Variants in RBFOX1 observed in about 807,000 individuals in gnomAD.
RBFOX1 encodes RNA binding fox-1 homolog 1, also known as RNA binding protein fox-1 homolog 1.
RBFOX1 carries 8 observed loss-of-function variants against 57.7 expected under a neutral mutation model. The observed-to-expected ratio is 0.14, with a 90% confidence interval of 0.08 to 0.25. RBFOX1 has a LOEUF of 0.25. Among genes scored for constraint, RBFOX1 ranks in the 10% least tolerant of loss-of-function variants. RBFOX1 has a pLI of 1.00. For synonymous variants in RBFOX1, 326 were observed against 222.4 expected, an observed-to-expected ratio of 1.47 and a Z score of -4.15; for missense variants, 611 against 548.5, an observed-to-expected ratio of 1.11 and a Z score of -1.14.
intron 3 of RBFOX1, among the ~76,000 whole-genome samples, chr16:5,719,549 A>C (rs566678130): frequency 6.6e-6 from 1 of 152,134 alleles, no homozygotes; most frequent in Non-Finnish European, 1.5e-5. Flanking sequence ...CCACCCATTA[A>C]GCAGTAACTC....
At chr16:7,401,079 C>T (rs2098234688) in intron 4 of RBFOX1, among the ~76,000 whole-genome samples, 2 of 152,190 alleles carry the variant, frequency 1.3e-5, no homozygotes, top group Non-Finnish European at 2.9e-5. Context: ...AGTCCCAAGA[C>T]ATCCAGGAGA....
intron 4 of RBFOX1, among the ~76,000 whole-genome samples, chr16:7,357,192 G>A (rs1214839174): frequency 6.6e-6 from 1 of 150,856 alleles, no homozygotes; most frequent in East Asian, 1.9e-4. Context: ...AAGCATACAC[G>A]CAGTTTTGAA....
chr16:6,591,328 C>T (rs748232609), intron 2 of RBFOX1, among the ~76,000 whole-genome samples: 31 of 152,036 alleles, frequency 2.0e-4, no homozygotes, highest in Non-Finnish European at 4.1e-4. Context: ...GTGGTGCATG[C>T]CTGTAGTCCC....
At chr16:7,142,313 C>T (rs1036889220) in intron 4 of RBFOX1, among the ~76,000 whole-genome samples, 1 of 152,136 alleles carries the variant, frequency 6.6e-6, no homozygotes, top group African/African-American at 2.4e-5. Flanking sequence ...CATGAGCCAC[C>T]ACACCTAGCC....
chr16:6,903,144 T>C (rs1355432781), intron 3 of RBFOX1, among the ~76,000 whole-genome samples: 2 of 152,138 alleles, frequency 1.3e-5, no homozygotes, highest in African/African-American at 4.8e-5. Flanking sequence ...GTGACTTCAC[T>C]TGTTGAAGAA....
intron 2 of RBFOX1, among the ~76,000 whole-genome samples, chr16:6,424,926 G>C (rs918464516): frequency 6.6e-6 from 1 of 152,074 alleles, no homozygotes; most frequent in Non-Finnish European, 1.5e-5. Flanking sequence ...GCTATCTATA[G>C]ATATTTGTAT....
At chr16:7,061,445 TTAAA>T (rs1464370831) in intron 4 of RBFOX1, among the ~76,000 whole-genome samples, 6 of 152,206 alleles carry the variant, frequency 3.9e-5, no homozygotes, top group African/African-American at 1.2e-4. Flanking sequence ...TGAAATATGA[TTAAA>T]TAAAGAAGTG....
At chr16:7,021,418 T>C (rs2039024124) in intron 3 of RBFOX1, among the ~76,000 whole-genome samples, 1 of 146,388 alleles carries the variant, frequency 6.8e-6, no homozygotes, top group African/African-American at 2.5e-5. Context: ...TGTATGTTTT[T>C]TATATATTTG....
intron 2 of RBFOX1, among the ~76,000 whole-genome samples, chr16:6,379,187 G>C (rs1596349729): frequency 6.6e-6 from 1 of 152,028 alleles, no homozygotes; most frequent in Admixed American, 6.6e-5. Flanking sequence ...TTGAGTTTTG[G>C]GCCCCTGTAG....
At chr16:6,235,268 C>G (rs2097496934) in intron 1 of RBFOX1, among the ~76,000 whole-genome samples, 1 of 152,074 alleles carries the variant, frequency 6.6e-6, no homozygotes, top group Non-Finnish European at 1.5e-5. Context: ...CCTAACTCCC[C>G]TCCTCCACAC....
intron 2 of RBFOX1, among the ~76,000 whole-genome samples, chr16:5,560,902 T>G (rs1337085744): frequency 6.6e-6 from 1 of 152,206 alleles, no homozygotes; most frequent in Non-Finnish European, 1.5e-5. Flanking sequence ...TGCTGTGATG[T>G]GCATTGCAGT....
At position 7,292,297 on chromosome 16, in the gene RBFOX1, TATATG is replaced by T. The variant is rs1014862760; in HGVS notation, c.28-225845_28-225841del. On this transcript the variant is annotated intron_variant, in intron 4 of 15. Coordinates refer to ENST00000550418, the MANE Select transcript of RBFOX1 (RefSeq NM_018723.4). ...ATTATATATCATATATCATATATGA[TATATG>T]ATATATGACGTATTATATATCATAT... Among the ~76,000 whole-genome samples, 54 of 129,996 alleles carry T rather than the reference TATATG, an allele frequency of 4.2e-4. 1 individual carries two copies. Among genetic ancestry groups the T allele is most frequent in the Middle Eastern group, 5.2e-3 (1 of 192 alleles). 85.3% of individuals were successfully genotyped at this position (129,996 alleles called of 152,430 possible).
intron 4 of RBFOX1, among the ~76,000 whole-genome samples, chr16:7,386,162 G>A (rs78013644): frequency 0.081 from 12,312 of 152,034 alleles, 529 homozygotes; most frequent in East Asian, 0.19. Context: ...AACAGCCTCA[G>A]AGATATCAGA....
intron 4 of RBFOX1, among the ~76,000 whole-genome samples, chr16:7,284,386 G>T (rs7196083): frequency 6.6e-6 from 1 of 152,004 alleles, no homozygotes; most frequent in Non-Finnish European, 1.5e-5. Flanking sequence ...GCTGTAGTAC[G>T]GTGGCACTAT....
At chr16:7,533,544 C>A (rs189412533) in intron 5 of RBFOX1, among the ~76,000 whole-genome samples, 31 of 152,334 alleles carry the variant, frequency 2.0e-4, no homozygotes, top group African/African-American at 6.7e-4. Context: ...TACTGAACAT[C>A]ATCACTTAGC....
At chr16:6,346,247 A>G (rs2085347362) in intron 2 of RBFOX1, among the ~76,000 whole-genome samples, 1 of 152,238 alleles carries the variant, frequency 6.6e-6, no homozygotes, top group African/African-American at 2.4e-5. Context: ...CAAGCAATCC[A>G]TCTGAGAGAA....
At chr16:6,627,676 G>A (rs905844224) in intron 2 of RBFOX1, among the ~76,000 whole-genome samples, 4 of 152,136 alleles carry the variant, frequency 2.6e-5, no homozygotes, top group Non-Finnish European at 5.9e-5. Flanking sequence ...CCAGAAAAAT[G>A]AGCAGCACAC....
chr16:5,406,211 C>G (rs919017245), intron 1 of RBFOX1, among the ~76,000 whole-genome samples: 15 of 152,038 alleles, frequency 9.9e-5, no homozygotes, highest in African/African-American at 3.6e-4. Flanking sequence ...AATATTGTCC[C>G]TGGGGTGATG....
chr16:5,568,904 G>A (rs2046169783), intron 2 of RBFOX1, among the ~76,000 whole-genome samples: 1 of 152,046 alleles, frequency 6.6e-6, no homozygotes. Flanking sequence ...GCAGTGACGC[G>A]ATCTCAGATC....
Sources: allele counts gnomAD v4.1 joint callset (sites outside exome capture counted in the v4.1 genomes callset), GRCh38; gene constraint gnomAD v4.1.1; transcripts MANE v1.5; gene names NCBI Gene and HGNC (gene_info 2026-07-23, HGNC 2026-07-21).